Variants in STIM1 observed in about 807,000 individuals in gnomAD.
STIM1 encodes the protein stromal interaction molecule 1.
A neutral mutation model predicts 74.7 loss-of-function variants in STIM1; 25 were observed. The ratio of observed to expected loss-of-function variants is 0.33; its 90% CI spans 0.24 to 0.47. STIM1 has a LOEUF of 0.47. STIM1 is among the 20% of genes least tolerant of loss of function. STIM1 has a pLI of 1.00. For synonymous variants in STIM1, 328 were observed against 348.8 expected (o/e 0.94, Z 0.66); for missense variants, 728 against 920.8 (o/e 0.79, Z 2.71).
At chr11:4,032,247 G>A (rs2094056977) in intron 3 of STIM1, among the ~76,000 whole-genome samples, 1 of 152,096 alleles carries the variant, frequency 6.6e-6, no homozygotes, top group South Asian at 2.1e-4. Flanking sequence ...GGTGGGGTGG[G>A]TGGGTGAAAA....
chr11:4,081,587 A>G (rs1426077169), intron 7 of STIM1, among the ~76,000 whole-genome samples: 1 of 152,198 alleles, frequency 6.6e-6, no homozygotes, highest in Non-Finnish European at 1.5e-5. Flanking sequence ...GTTCTCTCTG[A>G]CATGAGCTCT....
At chr11:3,899,424 A>G (rs1220141409) in intron 1 of STIM1, among the ~76,000 whole-genome samples, 2 of 152,112 alleles carry the variant, frequency 1.3e-5, no homozygotes, top group Admixed American at 6.5e-5. Flanking sequence ...GGGCTGAGAC[A>G]ATGGGGTTTT....
chr11:4,086,365 G>T, intron 11 of STIM1, 112 bp from the exon 12 acceptor site: 1 of 1,228,814 alleles, frequency 8.1e-7, no homozygotes, highest in Non-Finnish European at 1.2e-6. Flanking sequence ...TCTCCAGATT[G>T]GCATTAGAGG....
At chr11:4,047,880 G>A (rs1406100520) in intron 3 of STIM1, among the ~76,000 whole-genome samples, 3 of 150,478 alleles carry the variant, frequency 2.0e-5, no homozygotes, top group Admixed American at 6.6e-5. Context: ...GTGCCATGGC[G>A]TGATCTCAGC....
In STIM1 at chr11:4,002,357, T is replaced by C. The variant is rs532833641; in HGVS notation, c.271-21516T>C. Among the ~76,000 whole-genome samples the C allele has an allele frequency of 2.9e-4, 44 of 151,758 alleles. 1 individual carries two copies. Among genetic ancestry groups the C allele is most frequent in the Admixed American group, 2.2e-3 (34 of 15,260 alleles). On this transcript the variant is annotated intron_variant, in intron 2 of 12. Transcript: ENST00000526596. ...TGGAAGTAAAGCACTCCTCAGCAAA[T>C]GTAAAAGATCAGACATTATAACAAA...
intron 3 of STIM1, among the ~76,000 whole-genome samples, chr11:4,033,443 A>G (rs1169829503): frequency 6.6e-6 from 1 of 152,102 alleles, no homozygotes; most frequent in Non-Finnish European, 1.5e-5. Context: ...ATTTTTTTCC[A>G]TAGACAGTCA....
chr11:3,899,198 G>GTGGT lies in STIM1; in HGVS notation c.139+42791_139+42794dup, dbSNP rs1448326531. On this transcript the variant is annotated intron_variant, in intron 1 of 12. Coordinates refer to ENST00000526596, the MANE Select transcript of STIM1 (RefSeq NM_001382567.1). Reference sequence around the variant, plus strand: ...GTATCCTCTTTTATTTCACTGAGCAGTGGTTTGTAGTTCTCCTTGAAGAGG... The same window carrying GTGGT: ...GTATCCTCTTTTATTTCACTGAGCAGTGGTTGGTTTGTAGTTCTCCTTGAAGAGG... 7.9e-5 allele frequency among the ~76,000 whole-genome samples: 12 copies of GTGGT among 152,136 alleles called. No homozygotes were observed. In the East Asian group the frequency reaches 1.7e-3, roughly 22 times the overall value.
chr11:4,075,491 T>C lies in STIM1; in HGVS notation c.969+812T>C, dbSNP rs546175919. 5.3e-5 allele frequency among the ~76,000 whole-genome samples: 8 copies of C among 152,346 alleles called. No individual in the cohort carries two copies. In the South Asian group the frequency reaches 1.7e-3, roughly 32 times the overall value. On this transcript the variant is annotated intron_variant, in intron 7 of 12. Transcript: ENST00000526596. ...ATAAATGGCATTATACAGTATATAC[T>C]CTTTTGTGTTTTGTTTCTTTCACTC...
In STIM1 at chr11:4,083,322, T is replaced by A; in HGVS notation, c.1298T>A (p.Ile433Asn). 6.2e-7 allele frequency: 1 copy of A among 1,614,228 alleles called. No homozygotes were observed. Residue 433 changes from isoleucine to asparagine, a missense_variant, in exon 10 of 13, where the codon ATC becomes AAC. Around this residue, in one of 5 missense-constraint regions of STIM1, gnomAD observed 131 missense variants for 235.9 expected, o/e 0.56. Coordinates refer to ENST00000526596, the MANE Select transcript of STIM1 (RefSeq NM_001382567.1). ...LRERLHRWQQ[I>N]EILCGFQIVN... is the part of the protein sequence containing the mutation. ...GAGCGCCTGCACCGCTGGCAACAGA[T>A]CGAGATCCTCTGTGGCTTCCAGATT... is the stretch of plus-strand genomic sequence containing the variant.
rs554892201 is a variant in STIM1 at position 4,021,367 on chromosome 11, C to A, written c.271-2506C>A. Among the ~76,000 whole-genome samples, 20 of 152,364 alleles carry A rather than the reference C, an allele frequency of 1.3e-4. No homozygotes were observed. The East Asian group carries it at 1.5e-3, about 12-fold the overall frequency. On this transcript the variant is annotated intron_variant, in intron 2 of 12. Coordinates refer to ENST00000526596, the MANE Select transcript of STIM1 (RefSeq NM_001382567.1). ...TCTCCAACTCCCAGCTTCAGGCGAT[C>A]CACCTGCCTTGGCCTCCCAAAGTGC...
In STIM1 at chr11:3,856,185, C is replaced by T. The variant is rs745504869; in HGVS notation, c.-86C>T. ...CCGCGAGGGCATCTTGCCTGGAGAC[C>T]GTCGGCTGCACTCCCGGGCTCCTGG... On this transcript the variant is annotated 5_prime_UTR_variant, in exon 1 of 13. Transcript: ENST00000526596. 6.3e-7 allele frequency: 1 copy of T among 1,581,330 alleles called. No individual in the cohort carries two copies. Among genetic ancestry groups the T allele is most frequent in the Non-Finnish European group, 8.7e-7 (1 of 1,155,528 alleles).
intron 1 of STIM1, among the ~76,000 whole-genome samples, chr11:3,856,713 A>G (rs1294403421): frequency 2.6e-5 from 4 of 152,214 alleles, no homozygotes; most frequent in Non-Finnish European, 5.9e-5. Flanking sequence ...TCTTAGGCCT[A>G]CTTGTCTGGA....
intron 1 of STIM1, among the ~76,000 whole-genome samples, chr11:3,928,606 T>TGCGCGTGTGTGC (rs1565118523): frequency 6.6e-6 from 1 of 152,070 alleles, no homozygotes; most frequent in Admixed American, 6.6e-5. Context: ...TGTGTGTGTG[T>TGCGCGTGTGTGC]GCGCGTGTGT....
At chr11:4,009,035 T>C (rs2093809313) in intron 2 of STIM1, among the ~76,000 whole-genome samples, 1 of 152,264 alleles carries the variant, frequency 6.6e-6, no homozygotes, top group Non-Finnish European at 1.5e-5. Flanking sequence ...CTCACGCCTG[T>C]AATCCCAGCA....
chr11:4,053,498 G>A (rs927841133), intron 3 of STIM1, among the ~76,000 whole-genome samples: 31 of 151,032 alleles, frequency 2.1e-4, no homozygotes, highest in Admixed American at 1.1e-3. Flanking sequence ...ACCAAACACC[G>A]CATGTTCTCA....
chr11:3,900,392 G>A (rs1296413752), intron 1 of STIM1, among the ~76,000 whole-genome samples: 4 of 152,190 alleles, frequency 2.6e-5, no homozygotes, highest in African/African-American at 9.7e-5. Flanking sequence ...CTTCCCGAGT[G>A]AGGCAATGCC....
intron 1 of STIM1, among the ~76,000 whole-genome samples, chr11:3,897,765 T>A (rs1190323573): frequency 2.0e-5 from 3 of 151,042 alleles, no homozygotes; most frequent in Non-Finnish European, 4.4e-5. Flanking sequence ...ATATGTGGTG[T>A]TTGGTTTTTT....
chr11:4,061,401 T>C (rs142984498), intron 5 of STIM1, among the ~76,000 whole-genome samples: 1 of 152,200 alleles, frequency 6.6e-6, no homozygotes, highest in East Asian at 1.9e-4. Flanking sequence ...AAAACTATCT[T>C]CCTGAGATAG....
intron 3 of STIM1, among the ~76,000 whole-genome samples, chr11:4,036,078 C>T (rs1469185563): frequency 1.3e-5 from 2 of 152,158 alleles, no homozygotes; most frequent in Non-Finnish European, 2.9e-5. Context: ...CATCGTTGAG[C>T]TCTCACTTGC....
Sources: gnomAD v4.1 joint callset for allele counts (sites outside exome capture counted in the v4.1 genomes callset) on GRCh38, gnomAD v4.1.1 for gene constraint, gnomAD v4.1.1 regional missense constraint, MANE v1.5 for transcripts, NCBI Gene and HGNC (gene_info 2026-07-23, HGNC 2026-07-21) for gene names.